Variants in SEPTIN4 observed in about 807,000 individuals in gnomAD.
SEPTIN4 encodes septin-4.
Under a neutral mutation model 107.1 loss-of-function variants are expected in SEPTIN4, and 52 were observed. The ratio of observed to expected loss-of-function variants is 0.49; its 90% confidence interval spans 0.39 to 0.61. The LOEUF (loss-of-function observed/expected upper bound fraction) is 0.61, where lower values mean the gene tolerates loss of function less well. Ranked by LOEUF, SEPTIN4 falls within the 20% of genes least tolerant of loss-of-function variation. The pLI is 0.00. For missense variants in SEPTIN4, 1,048 were observed against 1,243.5 expected, an observed-to-expected ratio of 0.84 and a Z score of 2.36; for synonymous variants, 417 against 467.0, an observed-to-expected ratio of 0.89 and a Z score of 1.38.
intron 3 of SEPTIN4, chr17:58,531,896 G>A (rs2043500061): frequency 8.9e-7 from 1 of 1,120,598 alleles, no homozygotes; most frequent in East Asian, 5.0e-5. Context: ...GCAGCCGCCC[G>A]GGAGCGACCG....
In SEPTIN4 at chr17:58,543,989, G is replaced by C. The variant is rs144447334; in HGVS notation, c.198C>G (p.Asp66Glu). 34 of 1,613,840 alleles carry C rather than the reference G, an allele frequency of 2.1e-5. No homozygotes were observed. In the Admixed American group the frequency reaches 5.7e-4, roughly 27 times the overall value. Residue 66 changes from aspartate (D) to glutamate (E), a missense_variant, in exon 1 of 14, where the codon GAC becomes GAG. Physicochemically the swap from Asp to Glu is conservative, Grantham distance 45. Transcript: ENST00000672673. Reference sequence around the variant, plus strand: ...ACTGGAGGGAGACAGATCGAGGGTAGTCTGATGCTGAATGGGGAGTGGTGG... The same window carrying C: ...ACTGGAGGGAGACAGATCGAGGGTACTCTGATGCTGAATGGGGAGTGGTGG... ...AHPTTPHSAS[D>E]YPRSVSLQSG...
intron 3 of SEPTIN4, among the ~76,000 whole-genome samples, chr17:58,533,651 AC>A (rs2043608236): frequency 6.6e-6 from 1 of 152,134 alleles, no homozygotes; most frequent in Non-Finnish European, 1.5e-5. Flanking sequence ...CCCGGAAAAG[AC>A]CTGGGGTAGA....
chr17:58,543,821 T>TAA lies in SEPTIN4; in HGVS notation c.365_366insTT (p.Lys122AsnfsTer2). 6.2e-7 allele frequency: 1 copy of TAA among 1,614,180 alleles called. No individual in the cohort carries two copies. Among genetic ancestry groups the TAA allele is most frequent in the Admixed American group, 1.7e-5 (1 of 60,022 alleles). ...CTGCTTCCTCTCTGGGTGGACTAAC[T>TAA]TTCCATTGTCTGCTTGAAGCATGGG... On this transcript the variant is annotated frameshift_variant, in exon 1 of 14. Coordinates refer to ENST00000672673, the MANE Select transcript of SEPTIN4 (RefSeq NM_001368771.2). LOFTEE classifies it high-confidence loss of function.
chr17:58,521,601 G>A lies in SEPTIN4; in HGVS notation c.2515C>T (p.Pro839Ser). 1 of 1,614,192 alleles carries A rather than the reference G, an allele frequency of 6.2e-7. No homozygotes were observed. Among genetic ancestry groups the A allele is most frequent in the Non-Finnish European group, 8.5e-7 (1 of 1,180,040 alleles). The change falls in exon 10 of 14, where the codon CCA becomes TCA. Residue 839 changes from proline to serine, a missense_variant. Pro to Ser is a moderately conservative substitution (Grantham distance 74, BLOSUM62 -1). Transcript: ENST00000672673. This position sits in a 1 kb window ranked among gnomAD's most constrained non-coding sequence, Gnocchi z 6.4. ...TCATCCTCATCAGAGTCACAGTCTGGGAATTGATAGATCTTGATTCCAAAA... is the reference window on the plus strand; with the variant it reads ...TCATCCTCATCAGAGTCACAGTCTGAGAATTGATAGATCTTGATTCCAAAA... ...EHFGIKIYQF[P>S]DCDSDEDEDF...
chr17:58,527,879 C>T, intron 3 of SEPTIN4: 1 of 985,678 alleles, frequency 1.0e-6, no homozygotes, highest in East Asian at 1.1e-4. Context: ...AACCATGACC[C>T]ACAGGGAGTG....
Position 58,543,803 on chromosome 17 carries a change from C to T in SEPTIN4, c.384G>A (p.Glu128=), listed in dbSNP as rs1478479251. 6.2e-7 allele frequency: 1 copy of T among 1,614,206 alleles called. No individual in the cohort carries two copies. The highest frequency in any genetic ancestry group is 8.5e-7 in the Non-Finnish European group (1 of 1,180,038). ...SRQWKVSPPR[E]EAARRGSESK... Reference sequence around the variant, plus strand: ...TCTCACTGCCTCTTCGTGCTGCTTCCTCTCTGGGTGGACTAACTTTCCATT... The same window carrying T: ...TCTCACTGCCTCTTCGTGCTGCTTCTTCTCTGGGTGGACTAACTTTCCATT... Residue 128 remains glutamate (E), a synonymous_variant, in exon 1 of 14, where the codon GAG becomes GAA. Transcript: ENST00000672673.
chr17:58,520,369 G>T lies in SEPTIN4; in HGVS notation c.*57C>A. ...CCTGAGCAGAGCTGGTGCTGGGAGG[G>T]GCCGGCATGGACAGGAAGAAGAGGA... On this transcript the variant is annotated 3_prime_UTR_variant, in exon 14 of 14. Transcript: ENST00000672673. 1 of 1,553,138 alleles carries T rather than the reference G, an allele frequency of 6.4e-7. No individual in the cohort carries two copies. The highest frequency in any genetic ancestry group is 8.8e-7 in the Non-Finnish European group (1 of 1,132,642).
intron 7 of SEPTIN4, 62 bp downstream of exon 7, chr17:58,525,016 T>C (rs762538698): frequency 5.3e-5 from 85 of 1,608,884 alleles, no homozygotes; most frequent in Non-Finnish European, 6.4e-5. Context: ...GGCCTACGTG[T>C]GTACCTGTGT....
At chr17:58,525,922 TG>T in intron 5 of SEPTIN4, 141 bp from the exon 6 acceptor site, 1 of 867,074 alleles carries the variant, frequency 1.2e-6, no homozygotes, top group Non-Finnish European at 1.8e-6. Context: ...ATTTTAGAGC[TG>T]GGAGGAAGCA....
intron 5 of SEPTIN4, 49 bp from the exon 6 acceptor site, chr17:58,525,830 G>T: frequency 6.6e-7 from 1 of 1,507,864 alleles, no homozygotes; most frequent in Non-Finnish European, 9.2e-7. Flanking sequence ...AAGATCTATA[G>T]CCAAAAAGCA....
At chr17:58,528,090 A>AGACAATGG (rs1367523987) in intron 3 of SEPTIN4, 7 of 962,906 alleles carry the variant, frequency 7.3e-6, no homozygotes, top group Non-Finnish European at 6.2e-6. Flanking sequence ...TGCCACCCCC[A>AGACAATGG]GACAATGGAC....
At position 58,541,950 on chromosome 17, in the gene SEPTIN4, C is replaced by T; in HGVS notation, c.1578G>A (p.Met526Ile). Residue 526 changes from methionine (M) to isoleucine (I), a missense_variant, in exon 2 of 14, where the codon ATG becomes ATA. Physicochemically the swap from Met to Ile is conservative, Grantham distance 10. Coordinates refer to ENST00000672673, the MANE Select transcript of SEPTIN4 (RefSeq NM_001368771.2). ...TAFFLDVSEE[M>I]YNRVIWWLKD... ...TTAGCCACCAGATGACACGATTGTA[C>T]ATTTCCTCAGAGACATCTGAAAGTA... 1 of 1,614,052 alleles carries T rather than the reference C, an allele frequency of 6.2e-7. No homozygotes were observed. The highest frequency in any genetic ancestry group is 2.2e-5 in the East Asian group (1 of 44,876).
At chr17:58,528,823 G>A (rs1477234619) in intron 3 of SEPTIN4, among the ~76,000 whole-genome samples, 3 of 152,156 alleles carry the variant, frequency 2.0e-5, no homozygotes, top group Non-Finnish European at 1.5e-5. Context: ...GGGCAGGGAA[G>A]GGAGAAAGGA....
Position 58,541,556 on chromosome 17 carries a change from T to A in SEPTIN4, c.1606+366A>T, listed in dbSNP as rs188958081. ...ACATGAGAAGAGCCCCCAGCCTGAA[T>A]TAGCGTGAAGTCAACTCTGAGCAAG... is the stretch of plus-strand genomic sequence containing the variant. On this transcript the variant is annotated intron_variant, in intron 2 of 13. Coordinates refer to ENST00000672673, the MANE Select transcript of SEPTIN4 (RefSeq NM_001368771.2). 560 of 377,870 alleles carry A rather than the reference T, an allele frequency of 1.5e-3. 5 individuals are homozygous for A. The highest frequency in any genetic ancestry group is 0.011 in the African/African-American group (527 of 48,408). 23.4% of individuals were successfully genotyped at this position (377,870 alleles called of 1,614,324 possible).
chr17:58,521,363 A>G lies in SEPTIN4; in HGVS notation c.2572-13T>C. On this transcript the variant is annotated splice_polypyrimidine_tract_variant and intron_variant, in intron 10 of 13. Coordinates refer to ENST00000672673, the MANE Select transcript of SEPTIN4 (RefSeq NM_001368771.2). The surrounding 1 kb of genome is among the most constrained non-coding windows in gnomAD (Gnocchi z 6.4). Reference sequence around the variant, plus strand: ...ATGGGATGCTTTCCTGGAAGAGGTTAGGGGTGCCTGTCAGCACCCTCTGTT... The same window carrying G: ...ATGGGATGCTTTCCTGGAAGAGGTTGGGGGTGCCTGTCAGCACCCTCTGTT... 1.9e-6 allele frequency: 3 copies of G among 1,612,992 alleles called. No homozygotes were observed. Among genetic ancestry groups the G allele is most frequent in the Non-Finnish European group, 2.5e-6 (3 of 1,179,006 alleles).
intron 3 of SEPTIN4, chr17:58,532,169 G>C (rs1029550452): frequency 2.9e-5 from 28 of 951,346 alleles, no homozygotes; most frequent in Admixed American, 5.5e-5. Context: ...GGCGCGAAGT[G>C]GGTCGGGGTG....
Position 58,541,942 on chromosome 17 carries a change from C to G in SEPTIN4, c.1586G>C (p.Arg529Pro), listed in dbSNP as rs371706623. 6.2e-7 allele frequency: 1 copy of G among 1,613,932 alleles called. No homozygotes were observed. The highest frequency in any genetic ancestry group is 8.5e-7 in the Non-Finnish European group (1 of 1,179,996). ...FLDVSEEMYN[R>P]VIWWLKDEEI... The stretch of plus-strand genomic sequence containing the variant: ...CAGACCTTTTAGCCACCAGATGACA[C>G]GATTGTACATTTCCTCAGAGACATC... Residue 529 changes from arginine to proline, a missense_variant, in exon 2 of 14, where the codon CGT becomes CCT. This residue lies in a region of SEPTIN4 where 787 missense variants were observed against 871.8 expected (regional missense o/e 0.90). Transcript: ENST00000672673.
rs116733909 is a variant in SEPTIN4, at chr17:58,540,140, T to G, written c.1614+526A>C. The stretch of plus-strand genomic sequence containing the variant: ...GGGCCAAGAATAGCCAAAGTACTTA[T>G]GGGAACAATGCAGCGAAATCAGGAC... On this transcript the variant is annotated intron_variant, in intron 3 of 13. Transcript: ENST00000672673. 1.9e-3 allele frequency among the ~76,000 whole-genome samples: 296 copies of G among 152,270 alleles called. 2 individuals carry two copies. The highest frequency in any genetic ancestry group is 6.8e-3 in the African/African-American group (284 of 41,550).
chr17:58,529,055 C>T, intron 3 of SEPTIN4: 1 of 1,602,434 alleles, frequency 6.2e-7, no homozygotes, highest in Non-Finnish European at 8.6e-7. Context: ...GAGCCCCAAT[C>T]CCAGCCAAGG....
Sources: gnomAD v4.1 joint callset for allele counts (sites outside exome capture counted in the v4.1 genomes callset) on GRCh38, gnomAD v4.1.1 for gene constraint, gnomAD v4.1.1 regional missense constraint, Gnocchi (gnomAD v3.1) non-coding constraint, MANE v1.5 for transcripts, NCBI Gene and HGNC (gene_info 2026-07-23, HGNC 2026-07-21) for gene names.